The following ABCG1 variants were observed in gnomAD, a reference collection of about 807,000 sequenced individuals.
ABCG1 encodes ATP binding cassette subfamily G member 1.
In ABCG1, 29 loss-of-function variants were observed where a neutral mutation model predicts 69.2. The observed-to-expected ratio is 0.42, with a 90% CI of 0.31 to 0.57. The LOEUF (loss-of-function observed/expected upper bound fraction) is 0.57. ABCG1 is among the 20% of genes least tolerant of loss of function. ABCG1 has a pLI of 0.15. For synonymous variants in ABCG1, 370 were observed against 374.8 expected, an observed-to-expected ratio of 0.99 and a Z score of 0.15; for missense variants, 718 against 898.1, an observed-to-expected ratio of 0.80 and a Z score of 2.56.
In ABCG1 at chr21:42,291,614, G is replaced by A. The variant is rs2069062682; in HGVS notation, c.1611G>A (p.Gln537=). The change falls in exon 13 of 15, where the codon CAG becomes CAA. Residue 537 remains glutamine (Q), a synonymous_variant. Transcript: ENST00000398449. The surrounding 1 kb of genome is among the most constrained non-coding windows in gnomAD (Gnocchi z 6.4). ...GCACCATGACCTCCCTGGTGGCACAGTCCCTGGGCCTGCTGATCGGAGCCG... is the reference window on the plus strand; with the variant it reads ...GCACCATGACCTCCCTGGTGGCACAATCCCTGGGCCTGCTGATCGGAGCCG... The part of the protein sequence containing the change: ...ALGTMTSLVA[Q]SLGLLIGAAS... 1 of 1,609,162 alleles carries A rather than the reference G, an allele frequency of 6.2e-7. No homozygotes were observed.
chr21:42,243,463 T>C (rs919786977), intron 2 of ABCG1, among the ~76,000 whole-genome samples: 2 of 149,982 alleles, frequency 1.3e-5, no homozygotes, highest in Admixed American at 1.3e-4. Flanking sequence ...TGTGTGTGTG[T>C]GTGTGTGTGT....
Position 42,291,237 on chromosome 21 carries a change from T to A in ABCG1, c.1494+45T>A, listed in dbSNP as rs1315774742. The stretch of plus-strand genomic sequence containing the variant: ...GAATTTGAAACGGGGGCAAGAGTTC[T>A]CCTGTACACCCTTTATATCGAGTAA... On this transcript the variant is annotated intron_variant, in intron 12 of 14. Coordinates refer to ENST00000398449, the MANE Select transcript of ABCG1 (RefSeq NM_016818.3). This position sits in a 1 kb window ranked among gnomAD's most constrained non-coding sequence, Gnocchi z 6.4. The A allele has an allele frequency of 6.8e-7, 1 of 1,469,316 alleles. No homozygotes were observed. The highest frequency in any genetic ancestry group is 9.5e-7 in the Non-Finnish European group (1 of 1,053,188). The allele number at this position is 1,469,316 out of a possible 1,614,324, so 91.0% of individuals were successfully genotyped here.
At chr21:42,250,671 C>T (rs959127938) in intron 2 of ABCG1, among the ~76,000 whole-genome samples, 4 of 152,244 alleles carry the variant, frequency 2.6e-5, no homozygotes, top group Non-Finnish European at 5.9e-5. Flanking sequence ...GTGGACAGAA[C>T]TTGCCTGTGT....
At chr21:42,250,910 C>T (rs2068209949) in intron 2 of ABCG1, among the ~76,000 whole-genome samples, 1 of 152,176 alleles carries the variant, frequency 6.6e-6, no homozygotes. Flanking sequence ...GGGAGAGACC[C>T]ACCAGACACA....
intron 2 of ABCG1, among the ~76,000 whole-genome samples, chr21:42,201,907 A>G (rs74927832): frequency 0.026 from 3,998 of 152,266 alleles, 179 homozygotes; most frequent in African/African-American, 0.09. Context: ...TGTGTCTCCA[A>G]CCTTCAGCAC....
chr21:42,208,803 T>C lies in ABCG1; in HGVS notation c.48+7080T>C, dbSNP rs567580480. On this transcript the variant is annotated intron_variant, in intron 2 of 15. Coordinates refer to the ABCG1 transcript ENST00000398457. ...AAAAGTAGTCATGTCTTTTTTTCTT[T>C]TTTAAAATGAGTTGTTTTTCTCCTA... is the stretch of plus-strand genomic sequence containing the variant. Among the ~76,000 whole-genome samples the C allele has an allele frequency of 2.0e-5, 3 of 152,378 alleles. No individual in the cohort carries two copies. In the South Asian group the frequency reaches 6.2e-4, roughly 32 times the overall value.
chr21:42,225,583 T>A, intron 1 of ABCG1, 88 bp from the exon 2 acceptor site: 1 of 1,515,584 alleles, frequency 6.6e-7, no homozygotes, highest in Admixed American at 1.9e-5. Context: ...TAATAACCAA[T>A]GACCCTGAGC....
intron 2 of ABCG1, among the ~76,000 whole-genome samples, chr21:42,258,697 C>T (rs2068351889): frequency 6.6e-6 from 1 of 152,256 alleles, no homozygotes; most frequent in African/African-American, 2.4e-5. Flanking sequence ...TAGAGAACAG[C>T]CGAGGTCAGC....
intron 2 of ABCG1, among the ~76,000 whole-genome samples, chr21:42,245,711 G>A (rs182796104): frequency 2.7e-4 from 41 of 152,360 alleles, no homozygotes; most frequent in Admixed American, 1.6e-3. Context: ...GCTGAGATAA[G>A]ACCAGGAGAA....
intron 6 of ABCG1, among the ~76,000 whole-genome samples, chr21:42,283,650 G>T (rs551422928): frequency 1.3e-5 from 2 of 149,222 alleles, no homozygotes; most frequent in Non-Finnish European, 3.0e-5. Context: ...CAGTTGTGAA[G>T]TCCCCCCCCA....
intron 2 of ABCG1, among the ~76,000 whole-genome samples, chr21:42,210,529 G>T (rs1023794097): frequency 1.1e-4 from 16 of 152,144 alleles, no homozygotes; most frequent in Non-Finnish European, 1.5e-5. Flanking sequence ...TTGAAGAAAT[G>T]GTTTCCTAGA....
In ABCG1 at chr21:42,291,432, G is replaced by C. The variant is rs2069056877; in HGVS notation, c.1495-66G>C. 1 of 1,562,596 alleles carries C rather than the reference G, an allele frequency of 6.4e-7. No individual in the cohort carries two copies. Among genetic ancestry groups the C allele is most frequent in the African/African-American group, 1.3e-5 (1 of 74,266 alleles). ...GCGGGGAAGGGCTGGCTGCCCAGGA[G>C]CTTTGCTGTTGGCCTGCTGTGGTGG... On this transcript the variant is annotated intron_variant, in intron 12 of 14. Coordinates refer to ENST00000398449, the MANE Select transcript of ABCG1 (RefSeq NM_016818.3). This position sits in a 1 kb window ranked among gnomAD's most constrained non-coding sequence, Gnocchi z 6.4.
chr21:42,216,833 G>A (rs2067646032), upstream of ABCG1, among the ~76,000 whole-genome samples: 1 of 152,204 alleles, frequency 6.6e-6, no homozygotes, highest in Non-Finnish European at 1.5e-5. Context: ...GGGCGCTGGA[G>A]GGGAACACAG....
chr21:42,224,321 C>T (rs1376674125), intron 1 of ABCG1, among the ~76,000 whole-genome samples: 1 of 152,214 alleles, frequency 6.6e-6, no homozygotes, highest in Admixed American at 6.5e-5. Context: ...GCAGCTCCTC[C>T]AAGAGGCCCT....
At chr21:42,212,078 C>G (rs2067594947), upstream of ABCG1, among the ~76,000 whole-genome samples, 1 of 152,180 alleles carries the variant, frequency 6.6e-6, no homozygotes. Context: ...GAACAGGCCT[C>G]CAGACACTGC....
intron 11 of ABCG1, among the ~76,000 whole-genome samples, chr21:42,290,511 C>G (rs1052012643): frequency 6.6e-6 from 1 of 152,202 alleles, no homozygotes; most frequent in Non-Finnish European, 1.5e-5. Flanking sequence ...CCCCCCAACT[C>G]TACTACTTAA....
At chr21:42,248,427 G>T (rs2068166625) in intron 2 of ABCG1, among the ~76,000 whole-genome samples, 1 of 152,190 alleles carries the variant, frequency 6.6e-6, no homozygotes, top group Admixed American at 6.5e-5. Context: ...ACCCGTGGGG[G>T]GTGCAGGGCA....
At chr21:42,216,869 C>T (rs1015693188), upstream of ABCG1, among the ~76,000 whole-genome samples, 2 of 152,190 alleles carry the variant, frequency 1.3e-5, no homozygotes, top group Non-Finnish European at 2.9e-5. Flanking sequence ...GATGCTTACT[C>T]GGTGCTGGGC....
chr21:42,208,802 T>C (rs2067563700), intron 2 of ABCG1, among the ~76,000 whole-genome samples: 2 of 152,280 alleles, frequency 1.3e-5, no homozygotes, highest in South Asian at 2.1e-4. Context: ...CTTTTTTTCT[T>C]TTTTAAAATG....
Sources: allele counts gnomAD v4.1 joint callset (sites outside exome capture counted in the v4.1 genomes callset), GRCh38; gene constraint gnomAD v4.1.1; non-coding constraint Gnocchi (gnomAD v3.1); transcripts MANE v1.5; gene names NCBI Gene and HGNC (gene_info 2026-07-23, HGNC 2026-07-21).